The following PCMT1 variants were observed in gnomAD, a reference collection of about 807,000 sequenced individuals.
The protein encoded by PCMT1 is protein-L-isoaspartate(D-aspartate) O-methyltransferase.
PCMT1 carries 9 observed loss-of-function variants against 29.2 expected under a neutral mutation model. That is an observed-to-expected ratio of 0.31 (90% CI 0.19 to 0.54). PCMT1 has a LOEUF of 0.54. PCMT1 is among the 20% of genes least tolerant of loss of function. The pLI, the probability that PCMT1 is intolerant of heterozygous loss-of-function variation, is 0.95. For missense variants in PCMT1, 184 were observed against 282.2 expected, an observed-to-expected ratio of 0.65 and a Z score of 2.49; for synonymous variants, 98 against 97.5, an observed-to-expected ratio of 1.00 and a Z score of -0.03.
At chr6:149,774,792 C>T (rs1307145944) in intron 3 of PCMT1, among the ~76,000 whole-genome samples, 5 of 150,694 alleles carry the variant, frequency 3.3e-5, no homozygotes, top group East Asian at 2.0e-4. Flanking sequence ...CTGCAAGCTC[C>T]GCCTCCTGGG....
intron 7 of PCMT1, among the ~76,000 whole-genome samples, chr6:149,804,080 CAAAA>C (rs58975454): frequency 1.4e-3 from 112 of 77,504 alleles, no homozygotes; most frequent in African/African-American, 5.3e-3. Context: ...GACTCTGTCT[CAAAA>C]AAAAAAAAAA....
intron 3 of PCMT1, among the ~76,000 whole-genome samples, chr6:149,789,672 G>GGT (rs1788272252): frequency 6.6e-6 from 1 of 151,920 alleles, no homozygotes; most frequent in Admixed American, 6.6e-5. Flanking sequence ...ATGGGAGTAG[G>GGT]GTGGAGACTT....
At chr6:149,771,115 C>T in intron 1 of PCMT1, 47 bp from the exon 2 acceptor site, 3 of 1,080,208 alleles carry the variant, frequency 2.8e-6, no homozygotes, top group Non-Finnish European at 4.3e-6. Context: ...TAAAATATCT[C>T]TGATCATGTC....
chr6:149,798,632 T>G (rs1296416634), intron 6 of PCMT1, among the ~76,000 whole-genome samples: 1 of 152,152 alleles, frequency 6.6e-6, no homozygotes, highest in African/African-American at 2.4e-5. Flanking sequence ...CATACTCAAT[T>G]AACTAGGAGA....
intron 1 of PCMT1, among the ~76,000 whole-genome samples, chr6:149,769,308 C>CTTTTTTGTTTTTTTTTTTTTTTTT (rs1787215045): frequency 2.8e-5 from 2 of 71,562 alleles, no homozygotes; most frequent in African/African-American, 1.7e-4. Flanking sequence ...GTGCAGGATT[C>CTTTTTTGTTTTTTTTTTTTTTTTT]TTTTTTTTTT....
At chr6:149,762,885 T>TTATATATATCTATGATATATATCTATGA (rs1786868586) in intron 1 of PCMT1, among the ~76,000 whole-genome samples, 4 of 56,484 alleles carry the variant, frequency 7.1e-5, no homozygotes, top group African/African-American at 1.8e-4. Context: ...GATATATATG[T>TTATATATATCTATGATATATATCTATGA]TATATATATC....
chr6:149,760,888 T>C (rs538586331), intron 1 of PCMT1, among the ~76,000 whole-genome samples: 1 of 152,084 alleles, frequency 6.6e-6, no homozygotes, highest in African/African-American at 2.4e-5. Context: ...TTCTGGAAGT[T>C]GTATCCATAA....
chr6:149,792,018 A>G (rs1484395928), intron 4 of PCMT1, among the ~76,000 whole-genome samples: 2 of 152,222 alleles, frequency 1.3e-5, no homozygotes, highest in African/African-American at 4.8e-5. Flanking sequence ...AACCTGATTC[A>G]TACAAGGAAT....
At chr6:149,786,057 C>T (rs1788037677) in intron 3 of PCMT1, among the ~76,000 whole-genome samples, 1 of 148,046 alleles carries the variant, frequency 6.8e-6, no homozygotes, top group Non-Finnish European at 1.5e-5. Context: ...CACCTCCCTC[C>T]CGGACGGGGT....
At chr6:149,765,741 T>C in intron 1 of PCMT1, 1 of 338,650 alleles carries the variant, frequency 3.0e-6, no homozygotes. Context: ...ACGAGGAAGG[T>C]GGATCACCTA....
At chr6:149,794,342 A>G (rs1788506806) in intron 5 of PCMT1, among the ~76,000 whole-genome samples, 1 of 152,170 alleles carries the variant, frequency 6.6e-6, no homozygotes, top group South Asian at 2.1e-4. Flanking sequence ...AATATTGGCC[A>G]GGAGCGGTGG....
intron 1 of PCMT1, among the ~76,000 whole-genome samples, chr6:149,756,409 C>T (rs767476478): frequency 4.9e-5 from 7 of 144,186 alleles, no homozygotes; most frequent in Non-Finnish European, 9.0e-5. Flanking sequence ...AGTGCCGTGG[C>T]GTGATCTTAG....
At chr6:149,779,779 T>G (rs146606094) in intron 3 of PCMT1, among the ~76,000 whole-genome samples, 31 of 151,176 alleles carry the variant, frequency 2.1e-4, no homozygotes, top group African/African-American at 7.3e-4. Flanking sequence ...ACCACTTCAC[T>G]CCAGCCTGGG....
chr6:149,808,372 A>C (rs1776069201), intron 7 of PCMT1, among the ~76,000 whole-genome samples: 1 of 152,092 alleles, frequency 6.6e-6, no homozygotes. Flanking sequence ...AACATTGGGG[A>C]AAATTTAATA....
At chr6:149,761,019 G>C (rs915986541) in intron 1 of PCMT1, among the ~76,000 whole-genome samples, 2 of 129,080 alleles carry the variant, frequency 1.5e-5, no homozygotes, top group Non-Finnish European at 3.2e-5. Context: ...GAGGATGCAG[G>C]TAAAAAAGTG....
intron 7 of PCMT1, among the ~76,000 whole-genome samples, chr6:149,807,483 G>A (rs1029746603): frequency 6.6e-6 from 1 of 152,132 alleles, no homozygotes; most frequent in Non-Finnish European, 1.5e-5. Flanking sequence ...TGATTCTCCT[G>A]CCTCAGCCTC....
chr6:149,773,281 A>G, intron 3 of PCMT1, 112 bp downstream of exon 3: 1 of 813,968 alleles, frequency 1.2e-6, no homozygotes, highest in Non-Finnish European at 2.0e-6. Flanking sequence ...TCTATGAGTT[A>G]TGTGAATTGG....
chr6:149,796,743 T>C (rs1016388292), intron 6 of PCMT1: 2 of 360,124 alleles, frequency 5.6e-6, no homozygotes, highest in Non-Finnish European at 9.9e-6. Context: ...AGGACAACAG[T>C]AGAATTGGGA....
intron 1 of PCMT1, among the ~76,000 whole-genome samples, chr6:149,761,579 C>A (rs893679030): frequency 6.6e-6 from 1 of 152,126 alleles, no homozygotes; most frequent in Admixed American, 6.6e-5. Context: ...TTACACAATA[C>A]AAACCTATCC....
Sources: gnomAD v4.1 joint callset for allele counts (sites outside exome capture counted in the v4.1 genomes callset) on GRCh38, gnomAD v4.1.1 for gene constraint, MANE v1.5 for transcripts, NCBI Gene and HGNC (gene_info 2026-07-23, HGNC 2026-07-21) for gene names.